The following IMMP1L variants were observed in gnomAD, a reference collection of about 807,000 sequenced individuals.
IMMP1L encodes inner mitochondrial membrane peptidase subunit 1, also known as mitochondrial inner membrane protease subunit 1.
IMMP1L carries 24 observed loss-of-function variants against 21.8 expected under a neutral mutation model. The observed-to-expected ratio is 1.10, with a 90% confidence interval of 0.80 to 1.55. The LOEUF is 1.55. Ranked by LOEUF, IMMP1L falls within the 40% of genes most tolerant of loss-of-function variation. The pLI, the probability that IMMP1L is intolerant of heterozygous loss-of-function variation, is 0.00. For synonymous variants in IMMP1L, 46 were observed against 62.8 expected, an observed-to-expected ratio of 0.73 and a Z score of 1.26; for missense variants, 195 against 200.7, an observed-to-expected ratio of 0.97 and a Z score of 0.17.
intron 1 of IMMP1L, among the ~76,000 whole-genome samples, chr11:31,463,876 C>A (rs1954239266): frequency 2.0e-5 from 3 of 152,030 alleles, no homozygotes; most frequent in Non-Finnish European, 4.4e-5. Flanking sequence ...AAGATACACT[C>A]ATTTGTGAGC....
In IMMP1L at chr11:31,494,347, C is replaced by T. The variant is rs763669200; in HGVS notation, c.-30+15172G>A. Reference sequence around the variant, plus strand: ...CACCCTCTGAAGCAATGGCCCAAGCCGTACTTTTGACCCTTTAAGCCATGG... The same window carrying T: ...CACCCTCTGAAGCAATGGCCCAAGCTGTACTTTTGACCCTTTAAGCCATGG... On this transcript the variant is annotated intron_variant, in intron 1 of 5. Coordinates refer to ENST00000532287, the MANE Select transcript of IMMP1L (RefSeq NM_001304274.2). 6.2e-4 allele frequency among the ~76,000 whole-genome samples: 95 copies of T among 152,336 alleles called. 1 individual carries two copies. The highest frequency in any genetic ancestry group is 2.3e-3 in the South Asian group (11 of 4,828).
chr11:31,466,220 C>A (rs943198040), intron 1 of IMMP1L, among the ~76,000 whole-genome samples: 2 of 151,930 alleles, frequency 1.3e-5, no homozygotes, highest in Admixed American at 1.3e-4. Context: ...TATCATCTTA[C>A]CACAGTTAGA....
At chr11:31,499,685 T>C (rs1385612594) in intron 1 of IMMP1L, among the ~76,000 whole-genome samples, 1 of 152,150 alleles carries the variant, frequency 6.6e-6, no homozygotes, top group Non-Finnish European at 1.5e-5. Flanking sequence ...AAATTCAAAT[T>C]TCAGTGTCCA....
chr11:31,443,479 C>A (rs1290046143), intron 4 of IMMP1L, among the ~76,000 whole-genome samples: 1 of 152,166 alleles, frequency 6.6e-6, no homozygotes, highest in Non-Finnish European at 1.5e-5. Context: ...TCAAAGCAAA[C>A]TCAAGGAACA....
chr11:31,489,407 G>A (rs761569167), intron 1 of IMMP1L, among the ~76,000 whole-genome samples: 18 of 151,822 alleles, frequency 1.2e-4, no homozygotes, highest in Non-Finnish European at 2.4e-4. Flanking sequence ...AATTTAATAC[G>A]TAAAATGATT....
chr11:31,491,467 G>T (rs868722440), intron 1 of IMMP1L, among the ~76,000 whole-genome samples: 1 of 152,098 alleles, frequency 6.6e-6, no homozygotes, highest in Non-Finnish European at 1.5e-5. Flanking sequence ...GGCTGAAATG[G>T]GTTCTACTAT....
intron 3 of IMMP1L, among the ~76,000 whole-genome samples, chr11:31,457,745 C>T (rs1255585387): frequency 1.3e-5 from 2 of 152,068 alleles, no homozygotes; most frequent in Admixed American, 6.5e-5. Flanking sequence ...TCACAAGAAA[C>T]TTTCTTATAT....
intron 1 of IMMP1L, among the ~76,000 whole-genome samples, chr11:31,476,171 T>C (rs911977485): frequency 2.6e-5 from 4 of 152,090 alleles, no homozygotes; most frequent in African/African-American, 7.2e-5. Context: ...ATTTACTTCA[T>C]GGATAGCTTT....
At chr11:31,473,109 G>A (rs893555376) in intron 1 of IMMP1L, among the ~76,000 whole-genome samples, 5 of 152,116 alleles carry the variant, frequency 3.3e-5, no homozygotes, top group African/African-American at 1.2e-4. Flanking sequence ...GAGTGTAGTG[G>A]CGCGATCTTG....
chr11:31,460,706 TC>T lies in IMMP1L; in HGVS notation c.113del (p.Gly38AspfsTer32). 1 of 1,594,380 alleles carries T rather than the reference TC, an allele frequency of 6.3e-7. No individual in the cohort carries two copies. The highest frequency in any genetic ancestry group is 8.6e-7 in the Non-Finnish European group (1 of 1,164,530). ...EYVGGVVMCS[G>X]PSMEPTIQNS... ...TTTGAATTGTAGGCTCCATTGATGG[TC>T]CAGAACACTGAAAAGAGAGGTAATT... is the stretch of plus-strand genomic sequence containing the variant. On this transcript the variant is annotated frameshift_variant, in exon 3 of 6. Coordinates refer to ENST00000532287, the MANE Select transcript of IMMP1L (RefSeq NM_001304274.2). LOFTEE classifies it high-confidence loss of function.
intron 1 of IMMP1L, among the ~76,000 whole-genome samples, chr11:31,466,391 C>G (rs1461052549): frequency 6.6e-6 from 1 of 152,084 alleles, no homozygotes; most frequent in Non-Finnish European, 1.5e-5. Flanking sequence ...TCTCTCAATT[C>G]TGCTACTGGG....
intron 1 of IMMP1L, chr11:31,477,408 G>T: frequency 3.1e-6 from 1 of 323,622 alleles, no homozygotes; most frequent in Non-Finnish European, 4.4e-6. Flanking sequence ...ATATAGCTTA[G>T]TTTGTATATG....
At chr11:31,494,386 A>C (rs1955360938) in intron 1 of IMMP1L, among the ~76,000 whole-genome samples, 1 of 152,214 alleles carries the variant, frequency 6.6e-6, no homozygotes, top group Non-Finnish European at 1.5e-5. Flanking sequence ...GAGCTGACAC[A>C]GCTGGGATGC....
chr11:31,464,489 AG>A (rs1276557157), intron 1 of IMMP1L, among the ~76,000 whole-genome samples: 12 of 152,104 alleles, frequency 7.9e-5, no homozygotes, highest in African/African-American at 2.9e-4. Context: ...GCAGGAAAAG[AG>A]AAACTGTAGG....
chr11:31,463,389 A>C (rs1294853759), intron 1 of IMMP1L, 84 bp from the exon 2 acceptor site: 1 of 1,258,636 alleles, frequency 7.9e-7, no homozygotes, highest in Non-Finnish European at 1.0e-6. Flanking sequence ...TTTTACAATC[A>C]CCCAAAATGT....
chr11:31,441,339 T>G (rs1226787467), intron 4 of IMMP1L, among the ~76,000 whole-genome samples: 2 of 151,434 alleles, frequency 1.3e-5, no homozygotes, highest in African/African-American at 4.8e-5. Context: ...TTTTTTTTTT[T>G]TTGTCTTTGG....
At position 31,457,900 on chromosome 11, in the gene IMMP1L, G is replaced by A. The variant is rs191220683; in HGVS notation, c.195-1514C>T. On this transcript the variant is annotated intron_variant, in intron 3 of 5. Transcript: ENST00000532287. ...TTCTATAATTTGGAGGCAACACAGT[G>A]TTGCCTTCTTTTGAAAACAGAATAA... Among the ~76,000 whole-genome samples, 519 of 152,266 alleles carry A rather than the reference G, an allele frequency of 3.4e-3. 3 individuals carry two copies. Among genetic ancestry groups the A allele is most frequent in the Middle Eastern group, 6.8e-3 (2 of 292 alleles).
intron 3 of IMMP1L, among the ~76,000 whole-genome samples, 192 bp from the exon 4 acceptor site, chr11:31,456,578 A>G (rs1953945652): frequency 1.3e-5 from 2 of 152,170 alleles, no homozygotes; most frequent in African/African-American, 4.8e-5. Context: ...GAATCCAACA[A>G]TAAGAGTGAT....
intron 4 of IMMP1L, among the ~76,000 whole-genome samples, chr11:31,449,830 T>G (rs114627949): frequency 6.6e-6 from 1 of 152,326 alleles, no homozygotes; most frequent in African/African-American, 2.4e-5. Context: ...TAGCCAGATA[T>G]CTTTGGTAGC....
Sources: gnomAD v4.1 joint callset for allele counts (sites outside exome capture counted in the v4.1 genomes callset) on GRCh38, gnomAD v4.1.1 for gene constraint, MANE v1.5 for transcripts, NCBI Gene and HGNC (gene_info 2026-07-23, HGNC 2026-07-21) for gene names.